The following RBFOX1 variants were observed in gnomAD, a reference collection of about 807,000 sequenced individuals.
RBFOX1 encodes the protein RNA binding fox-1 homolog 1.
In RBFOX1, 8 loss-of-function variants were observed where a neutral mutation model predicts 57.7. That is an observed-to-expected ratio of 0.14 (90% CI 0.08 to 0.25). The LOEUF (loss-of-function observed/expected upper bound fraction) is 0.25. Ranked by LOEUF, RBFOX1 falls within the 10% of genes least tolerant of loss-of-function variation. The pLI is 1.00. For missense variants in RBFOX1, 611 were observed against 548.5 expected, an observed-to-expected ratio of 1.11 and a Z score of -1.14; for synonymous variants, 326 against 222.4, an observed-to-expected ratio of 1.47 and a Z score of -4.15.
At chr16:7,212,430 A>T (rs564948465) in intron 4 of RBFOX1, among the ~76,000 whole-genome samples, 6 of 152,138 alleles carry the variant, frequency 3.9e-5, no homozygotes, top group Non-Finnish European at 7.3e-5. Context: ...ACTATTTTAA[A>T]TGAATAGGCA....
At chr16:5,838,554 G>C (rs1282631903) in intron 3 of RBFOX1, 4 of 159,540 alleles carry the variant, frequency 2.5e-5, no homozygotes, top group Non-Finnish European at 5.6e-5. Context: ...TTGGCTGCCC[G>C]TCCTCTTTGG....
chr16:6,755,741 A>G (rs1221078858), intron 3 of RBFOX1, among the ~76,000 whole-genome samples: 3 of 152,146 alleles, frequency 2.0e-5, no homozygotes, highest in Non-Finnish European at 2.9e-5. Context: ...AAAAACAACT[A>G]CTTGTCACCC....
chr16:6,823,633 T>G (rs991522180), intron 3 of RBFOX1, among the ~76,000 whole-genome samples: 1 of 152,228 alleles, frequency 6.6e-6, no homozygotes, highest in Non-Finnish European at 1.5e-5. Context: ...CTCCCTTGAT[T>G]TTGAATCTCC....
At chr16:6,085,291 A>T (rs1026538764) in intron 1 of RBFOX1, among the ~76,000 whole-genome samples, 2 of 152,040 alleles carry the variant, frequency 1.3e-5, no homozygotes, top group African/African-American at 4.8e-5. Context: ...TTTGTTTTTG[A>T]GACGCGGTTT....
At chr16:7,169,796 G>A (rs2080311365) in intron 4 of RBFOX1, among the ~76,000 whole-genome samples, 1 of 145,262 alleles carries the variant, frequency 6.9e-6, no homozygotes, top group Admixed American at 7.0e-5. Context: ...ATTGCAGGGT[G>A]CAGTGGCTCA....
chr16:6,018,130 C>A (rs1304536974), upstream of RBFOX1, among the ~76,000 whole-genome samples: 3 of 150,164 alleles, frequency 2.0e-5, no homozygotes, highest in Non-Finnish European at 4.4e-5. Context: ...ACAACAAAAC[C>A]CCCTGGAATA....
At chr16:5,849,760 G>T (rs763142433) in intron 3 of RBFOX1, among the ~76,000 whole-genome samples, 1 of 152,118 alleles carries the variant, frequency 6.6e-6, no homozygotes, top group Non-Finnish European at 1.5e-5. Flanking sequence ...GCTCCTGTAT[G>T]ATCTTGAGTG....
chr16:5,373,414 G>A (rs1363644795), intron 1 of RBFOX1, among the ~76,000 whole-genome samples: 2 of 152,086 alleles, frequency 1.3e-5, no homozygotes, highest in Admixed American at 1.3e-4. Context: ...TTGTGATAAT[G>A]AGTGAGTTCC....
At chr16:6,659,094 C>T (rs1334142831) in intron 3 of RBFOX1, among the ~76,000 whole-genome samples, 1 of 151,970 alleles carries the variant, frequency 6.6e-6, no homozygotes, top group African/African-American at 2.4e-5. Context: ...TCTGCTGGGG[C>T]ACTGAAGCAT....
In RBFOX1 at chr16:5,287,271, C is replaced by T. The variant is rs1211517958; in HGVS notation, c.219+47166C>T. On this transcript the variant is annotated intron_variant, in intron 1 of 2. Coordinates refer to the RBFOX1 transcript ENST00000585867. ...GTGAGCTCTGACTGTTCCACTTGTA[C>T]TCTACCCTAGGCAAAGAGTGAGACC... Among the ~76,000 whole-genome samples, 8 of 152,092 alleles carry T rather than the reference C, an allele frequency of 5.3e-5. No homozygotes were observed. The East Asian group carries it at 1.5e-3, about 29-fold the overall frequency.
chr16:6,191,090 T>A (rs904085237), intron 1 of RBFOX1, among the ~76,000 whole-genome samples: 5 of 151,534 alleles, frequency 3.3e-5, no homozygotes, highest in African/African-American at 1.2e-4. Context: ...AAGCATCTTC[T>A]AGACAGACAG....
At chr16:7,654,063 C>A in intron 12 of RBFOX1, 116 bp downstream of exon 12, 1 of 1,135,972 alleles carries the variant, frequency 8.8e-7, no homozygotes, top group Non-Finnish European at 1.2e-6. Context: ...CCCCCAGAAC[C>A]GCCCCCAGCA....
rs371468054 is a variant in RBFOX1 at position 6,966,829 on chromosome 16, G to A, written c.-15-85228G>A. Among the ~76,000 whole-genome samples, 664 of 148,748 alleles carry A rather than the reference G, an allele frequency of 4.5e-3. 4 individuals carry two copies. The highest frequency in any genetic ancestry group is 0.015 in the African/African-American group (587 of 39,848). ...TGTCTGTCTGTCTGTCTATCTATCT[G>A]TCTATCTATCTATCCATCCATCTAT... On this transcript the variant is annotated intron_variant, in intron 3 of 15. Transcript: ENST00000550418.
intron 1 of RBFOX1, among the ~76,000 whole-genome samples, chr16:5,462,317 C>T (rs898791121): frequency 1.3e-4 from 19 of 151,822 alleles, no homozygotes; most frequent in African/African-American, 4.1e-4. Flanking sequence ...TACAGGGGCC[C>T]GCCACCACGC....
chr16:7,166,995 T>TTTTTTTTTTTTTG (rs1422321948), intron 4 of RBFOX1, among the ~76,000 whole-genome samples: 1 of 124,264 alleles, frequency 8.0e-6, no homozygotes, highest in Non-Finnish European at 1.7e-5. Context: ...TTTTTTTTTT[T>TTTTTTTTTTTTTG]TTTTTTTTTT....
At chr16:5,705,175 A>G (rs1000051174) in intron 3 of RBFOX1, among the ~76,000 whole-genome samples, 1 of 152,184 alleles carries the variant, frequency 6.6e-6, no homozygotes, top group African/African-American at 2.4e-5. Context: ...CTTGAAGGCT[A>G]TCTTCCTATC....
At chr16:5,413,919 C>G (rs886617582) in intron 1 of RBFOX1, among the ~76,000 whole-genome samples, 5 of 152,170 alleles carry the variant, frequency 3.3e-5, no homozygotes, top group Admixed American at 2.6e-4. Flanking sequence ...CCTGAAAGCT[C>G]ATGACTCTAG....
intron 3 of RBFOX1, among the ~76,000 whole-genome samples, chr16:6,822,425 C>A (rs1157734444): frequency 6.6e-6 from 1 of 152,224 alleles, no homozygotes. Flanking sequence ...CCACTGCAAA[C>A]TTTCATTGCT....
intron 4 of RBFOX1, among the ~76,000 whole-genome samples, chr16:7,397,254 G>A (rs1315658042): frequency 6.6e-6 from 1 of 152,162 alleles, no homozygotes; most frequent in Non-Finnish European, 1.5e-5. Context: ...ATAGAATTGT[G>A]TGTATTGTGT....
Sources: gnomAD v4.1 joint callset for allele counts (sites outside exome capture counted in the v4.1 genomes callset) on GRCh38, gnomAD v4.1.1 for gene constraint, MANE v1.5 for transcripts, NCBI Gene and HGNC (gene_info 2026-07-23, HGNC 2026-07-21) for gene names.